Variants in CPQ observed in about 807,000 individuals in gnomAD.
CPQ encodes the protein Ser-Met dipeptidase.
Under a neutral mutation model 45.7 loss-of-function variants are expected in CPQ, and 37 were observed. The observed-to-expected ratio is 0.81, with a 90% CI of 0.62 to 1.07. The LOEUF (loss-of-function observed/expected upper bound fraction) is 1.07. CPQ is among the 50% of genes least tolerant of loss of function. The probability of loss-of-function intolerance (pLI) is 0.00; values close to 1 mark genes in which losing one functional copy is unlikely to be tolerated. For synonymous variants in CPQ, 186 were observed against 205.8 expected, an observed-to-expected ratio of 0.90 and a Z score of 0.82; for missense variants, 537 against 572.9, an observed-to-expected ratio of 0.94 and a Z score of 0.64.
At chr8:97,124,127 G>A (rs1365431172) in intron 7 of CPQ, among the ~76,000 whole-genome samples, 1 of 148,766 alleles carries the variant, frequency 6.7e-6, no homozygotes, top group Admixed American at 6.8e-5. Flanking sequence ...TCTGGAGGCT[G>A]AGGCAGGAGA....
chr8:96,767,928 G>C (rs570880046), intron 1 of CPQ, among the ~76,000 whole-genome samples: 9 of 152,130 alleles, frequency 5.9e-5, no homozygotes, highest in Non-Finnish European at 8.8e-5. Flanking sequence ...TCAGGTGTGA[G>C]CCACCGTGCC....
chr8:97,019,535 G>T (rs965502977), intron 5 of CPQ, among the ~76,000 whole-genome samples: 2 of 152,156 alleles, frequency 1.3e-5, no homozygotes, highest in African/African-American at 2.4e-5. Context: ...TAGAAAAAGA[G>T]ATTCCATGCA....
intron 5 of CPQ, among the ~76,000 whole-genome samples, chr8:96,970,022 G>C (rs1813637781): frequency 6.6e-6 from 1 of 152,160 alleles, no homozygotes; most frequent in African/African-American, 2.4e-5. Flanking sequence ...AAGTTCCACT[G>C]TAGCTAGAGC....
rs1321610306 is a variant in CPQ, at chr8:96,673,480, G to T, written c.-35+28078G>T. 6.6e-5 allele frequency among the ~76,000 whole-genome samples: 10 copies of T among 152,092 alleles called. No homozygotes were observed. The East Asian group carries it at 1.9e-3, about 29-fold the overall frequency. ...TGACCAGCCTGATTGGTGGTGGGAG[G>T]GGACAAATCAGAGGTACTTTCCATT... On this transcript the variant is annotated intron_variant, in intron 1 of 7. Coordinates refer to ENST00000220763, the MANE Select transcript of CPQ (RefSeq NM_016134.4).
chr8:96,983,586 G>A (rs1210760954), intron 5 of CPQ, among the ~76,000 whole-genome samples: 1 of 152,084 alleles, frequency 6.6e-6, no homozygotes, highest in African/African-American at 2.4e-5. Flanking sequence ...GTTCATTAGA[G>A]CAAACTTACT....
At chr8:97,119,189 C>T (rs369697501) in intron 7 of CPQ, among the ~76,000 whole-genome samples, 5 of 151,884 alleles carry the variant, frequency 3.3e-5, no homozygotes, top group East Asian at 1.9e-4. Context: ...ATTAGCTGGG[C>T]GTGGTAATGG....
At chr8:97,124,140 C>T (rs977672122) in intron 7 of CPQ, among the ~76,000 whole-genome samples, 5 of 135,588 alleles carry the variant, frequency 3.7e-5, no homozygotes, top group Admixed American at 8.7e-5. Flanking sequence ...GCAGGAGAAT[C>T]GTTTGAGCTG....
At chr8:97,020,072 G>C (rs1040681414) in intron 5 of CPQ, among the ~76,000 whole-genome samples, 5 of 152,024 alleles carry the variant, frequency 3.3e-5, no homozygotes, top group Non-Finnish European at 5.9e-5. Flanking sequence ...ACTCCAGAAG[G>C]AACCTTCAAA....
intron 1 of CPQ, among the ~76,000 whole-genome samples, chr8:96,649,993 A>T (rs1474801786): frequency 6.6e-6 from 1 of 152,264 alleles, no homozygotes; most frequent in Non-Finnish European, 1.5e-5. Flanking sequence ...AAATGGCAGG[A>T]GTGTTGCAGA....
intron 2 of CPQ, among the ~76,000 whole-genome samples, chr8:96,832,779 A>G (rs1811477153): frequency 6.6e-6 from 1 of 152,146 alleles, no homozygotes; most frequent in Non-Finnish European, 1.5e-5. Context: ...GTGTCTGTAT[A>G]GGTAGGCAGA....
At chr8:97,119,808 C>A (rs1811667295) in intron 7 of CPQ, among the ~76,000 whole-genome samples, 1 of 152,174 alleles carries the variant, frequency 6.6e-6, no homozygotes, top group Non-Finnish European at 1.5e-5. Flanking sequence ...TCCCTTTATC[C>A]TCTGAAGACT....
intron 4 of CPQ, among the ~76,000 whole-genome samples, chr8:96,888,322 G>A (rs1047422550): frequency 2.6e-5 from 4 of 152,158 alleles, no homozygotes; most frequent in Admixed American, 2.6e-4. Context: ...GCACAAATAA[G>A]CTGAGTGGCT....
chr8:96,747,287 T>C (rs1810199553), intron 1 of CPQ, among the ~76,000 whole-genome samples: 1 of 130,870 alleles, frequency 7.6e-6, no homozygotes. Flanking sequence ...CGAATCTTTG[T>C]CTCAAAAAAA....
At chr8:96,843,362 A>T (rs542960481) in intron 3 of CPQ, among the ~76,000 whole-genome samples, 1 of 152,218 alleles carries the variant, frequency 6.6e-6, no homozygotes, top group Middle Eastern at 3.4e-3. Flanking sequence ...GTAATCAGGG[A>T]GGGATTGAGG....
intron 1 of CPQ, among the ~76,000 whole-genome samples, chr8:96,653,093 C>A (rs551593599): frequency 6.6e-6 from 1 of 152,130 alleles, no homozygotes; most frequent in African/African-American, 2.4e-5. Flanking sequence ...CTGGGCCTGG[C>A]TAATTTTTGT....
chr8:96,739,704 T>C (rs1283462771), intron 1 of CPQ, among the ~76,000 whole-genome samples: 5 of 150,718 alleles, frequency 3.3e-5, no homozygotes, highest in Non-Finnish European at 5.9e-5. Context: ...CCCAGCACCA[T>C]GTATTAAATA....
intron 5 of CPQ, among the ~76,000 whole-genome samples, chr8:97,022,457 G>T (rs923324723): frequency 6.6e-6 from 1 of 152,084 alleles, no homozygotes; most frequent in African/African-American, 2.4e-5. Context: ...ACCCAGAGTG[G>T]GAGAACATCT....
At chr8:97,102,312 T>C (rs1811327032) in intron 7 of CPQ, among the ~76,000 whole-genome samples, 1 of 152,142 alleles carries the variant, frequency 6.6e-6, no homozygotes, top group South Asian at 2.1e-4. Context: ...AATTACTAAG[T>C]CACCCCCATC....
chr8:97,025,470 C>G (rs1809782761), intron 5 of CPQ, among the ~76,000 whole-genome samples: 1 of 152,116 alleles, frequency 6.6e-6, no homozygotes, highest in African/African-American at 2.4e-5. Context: ...TATAGGAGAA[C>G]CGACTGCCTC....
Sources: gnomAD v4.1 joint callset for allele counts (sites outside exome capture counted in the v4.1 genomes callset) on GRCh38, gnomAD v4.1.1 for gene constraint, MANE v1.5 for transcripts, NCBI Gene and HGNC (gene_info 2026-07-23, HGNC 2026-07-21) for gene names.